CEP85: variants seen among roughly 807,000 people sequenced by gnomAD.
CEP85 encodes the protein centrosomal protein 85, also known as centrosomal protein of 85 kDa.
A neutral mutation model predicts 93.7 loss-of-function variants in CEP85; 58 were observed. That is an observed-to-expected ratio of 0.62 (90% CI 0.50 to 0.77). The LOEUF (loss-of-function observed/expected upper bound fraction) is 0.77. Among genes scored for constraint, CEP85 ranks in the 30% least tolerant of loss-of-function variants. CEP85 has a pLI of 0.00. For missense variants in CEP85, 868 were observed against 922.0 expected (o/e 0.94, Z 0.76); for synonymous variants, 314 against 338.6 (o/e 0.93, Z 0.80).
intron 3 of CEP85, chr1:26,254,663 G>C (rs557477915): frequency 6.0e-6 from 1 of 166,394 alleles, no homozygotes; most frequent in East Asian, 1.7e-4. Flanking sequence ...AGACTGTCTA[G>C]TTCGCTTCAT....
intron 5 of CEP85, 91 bp downstream of exon 5, chr1:26,257,821 C>T (rs1452985567): frequency 7.0e-7 from 1 of 1,436,256 alleles, no homozygotes; most frequent in African/African-American, 1.4e-5. Flanking sequence ...CAAAGCATTC[C>T]TCCTCTGTTT....
chr1:26,243,991 CAAAAA>C (rs58751883), intron 2 of CEP85, among the ~76,000 whole-genome samples, 170 bp from the exon 3 acceptor site: 7 of 108,348 alleles, frequency 6.5e-5, no homozygotes, highest in African/African-American at 2.0e-4. Context: ...GACTCCGTCT[CAAAAA>C]AAAAAAAAAA....
intron 5 of CEP85, 147 bp from the exon 6 acceptor site, chr1:26,257,996 T>C (rs2089734992): frequency 1.4e-6 from 1 of 727,058 alleles, no homozygotes; most frequent in Non-Finnish European, 2.4e-6. Flanking sequence ...TCCCCAGTTA[T>C]CTTTCTCATT....
intron 11 of CEP85, among the ~76,000 whole-genome samples, chr1:26,272,685 A>G (rs375119531): frequency 1.3e-4 from 18 of 137,182 alleles, no homozygotes; most frequent in African/African-American, 4.3e-4. Flanking sequence ...CTGGAGTGCA[A>G]TGGCGCAATC....
chr1:26,246,740 A>T (rs2124567144), intron 3 of CEP85, among the ~76,000 whole-genome samples: 1 of 152,206 alleles, frequency 6.6e-6, no homozygotes, highest in African/African-American at 2.4e-5. Flanking sequence ...AAAAAAAAAA[A>T]AAAATTATAT....
chr1:26,263,242 C>A, intron 7 of CEP85: 1 of 319,426 alleles, frequency 3.1e-6, no homozygotes. Context: ...GTGCTGTTGA[C>A]GAAGATCTTA....
In CEP85 at chr1:26,271,063, G is replaced by T; in HGVS notation, c.1699G>T (p.Val567Leu). Residue 567 changes from valine (V) to leucine (L), a missense_variant, in exon 10 of 14, where the codon GTG (valine) becomes TTG (leucine). Physicochemically the swap from Val to Leu is conservative, Grantham distance 32. Coordinates refer to ENST00000451429, the MANE Select transcript of CEP85 (RefSeq NM_001319944.2). ...GGAGACCAGTGGAGAAGGTCCAGAAGTGGAAATGGAGTCCTGGCAGAAGCG... is the reference window on the plus strand; with the variant it reads ...GGAGACCAGTGGAGAAGGTCCAGAATTGGAAATGGAGTCCTGGCAGAAGCG... ...VEETSGEGPE[V>L]EMESWQKRYD... The T allele has an allele frequency of 6.2e-7, 1 of 1,613,882 alleles. No homozygotes were observed. The highest frequency in any genetic ancestry group is 1.1e-5 in the South Asian group (1 of 91,062).
intron 7 of CEP85, 22 bp downstream of exon 7, chr1:26,259,824 C>A: frequency 6.3e-7 from 1 of 1,583,332 alleles, no homozygotes; most frequent in Middle Eastern, 1.7e-4. Flanking sequence ...AGCTGATAGC[C>A]CTAGTTCACA....
intron 12 of CEP85, 134 bp downstream of exon 12, chr1:26,275,205 G>A: frequency 1.6e-6 from 1 of 626,408 alleles, no homozygotes; most frequent in Non-Finnish European, 2.8e-6. Context: ...TGGGGGCAGA[G>A]GAAAGGTGCA....
intron 7 of CEP85, among the ~76,000 whole-genome samples, chr1:26,264,669 G>T (rs2089865687): frequency 6.6e-6 from 1 of 152,170 alleles, no homozygotes; most frequent in South Asian, 2.1e-4. Flanking sequence ...TCAATCTCTG[G>T]ATGTCTTCTC....
chr1:26,259,206 A>G (rs1191162854), intron 6 of CEP85, among the ~76,000 whole-genome samples: 1 of 152,246 alleles, frequency 6.6e-6, no homozygotes, highest in Non-Finnish European at 1.5e-5. Flanking sequence ...GCCTGAGATC[A>G]TATAGAGAAT....
chr1:26,235,587 T>TTG (rs61482955), intron 1 of CEP85, among the ~76,000 whole-genome samples: 16 of 149,298 alleles, frequency 1.1e-4, no homozygotes, highest in African/African-American at 3.0e-4. Context: ...TTTTTTTTTT[T>TTG]GTGAGACGGA....
In CEP85 at chr1:26,255,619, CAG is replaced by C; in HGVS notation, c.660_661del (p.Arg220SerfsTer4). On this transcript the variant is annotated frameshift_variant, in exon 4 of 14. Coordinates refer to ENST00000451429, the MANE Select transcript of CEP85 (RefSeq NM_001319944.2). LOFTEE classifies it high-confidence loss of function. ...GAACCAGCACAAGTAAGGAGTTGTA[CAG>C]AGTGTTGCCTGAGGCCAAGAAGGCA... Reference protein sequence around the residue: ...PRTSTSKELYRVLPEAKKAPG... With the variant: ...PRTSTSKELYXVLPEAKKAPG... 6.2e-7 allele frequency: 1 copy of C among 1,614,096 alleles called. No homozygotes were observed. The highest frequency in any genetic ancestry group is 8.5e-7 in the Non-Finnish European group (1 of 1,180,008).
At chr1:26,243,312 T>G (rs7533756) in intron 2 of CEP85, among the ~76,000 whole-genome samples, 110,482 of 142,196 alleles carry the variant, frequency 0.78, 41,530 homozygotes, top group Non-Finnish European at 0.85. Context: ...GTGATGGTGG[T>G]CTTGGTTGAG....
At chr1:26,246,949 C>G (rs569656725) in intron 3 of CEP85, among the ~76,000 whole-genome samples, 4 of 152,166 alleles carry the variant, frequency 2.6e-5, no homozygotes, top group African/African-American at 9.7e-5. Context: ...GGCCAAGGAC[C>G]GGTACCAGTC....
intron 3 of CEP85, among the ~76,000 whole-genome samples, chr1:26,252,787 G>A (rs888978427): frequency 3.3e-5 from 5 of 152,090 alleles, no homozygotes; most frequent in African/African-American, 1.2e-4. Context: ...ATCATCTTCA[G>A]TATAGCAAAT....
intron 3 of CEP85, among the ~76,000 whole-genome samples, chr1:26,248,039 C>A (rs888468086): frequency 1.3e-5 from 2 of 152,126 alleles, no homozygotes; most frequent in African/African-American, 4.8e-5. Context: ...AGAATTGAAT[C>A]ATAGATTTTG....
chr1:26,240,061 C>T (rs2089398101), intron 2 of CEP85, among the ~76,000 whole-genome samples: 1 of 151,976 alleles, frequency 6.6e-6, no homozygotes, highest in South Asian at 2.1e-4. Flanking sequence ...TGGGAGAGGA[C>T]GACATATAAA....
chr1:26,256,576 TTCTC>T (rs979608039), intron 4 of CEP85, among the ~76,000 whole-genome samples: 2 of 150,756 alleles, frequency 1.3e-5, no homozygotes, highest in African/African-American at 4.9e-5. Context: ...AGCCCCTGTG[TTCTC>T]TCTACCACTT....
Sources: allele counts gnomAD v4.1 joint callset (sites outside exome capture counted in the v4.1 genomes callset), GRCh38; gene constraint gnomAD v4.1.1; transcripts MANE v1.5; gene names NCBI Gene and HGNC (gene_info 2026-07-23, HGNC 2026-07-21).